The following RGS22 variants were observed in gnomAD, a reference collection of about 807,000 sequenced individuals.
The protein encoded by RGS22 is regulator of G-protein signaling 22.
RGS22 carries 148 observed loss-of-function variants against 172.9 expected under a neutral mutation model. The ratio of observed to expected loss-of-function variants is 0.86; its 90% confidence interval spans 0.75 to 0.98. RGS22 has a LOEUF of 0.98. Ranked by LOEUF, RGS22 falls within the 50% of genes least tolerant of loss-of-function variation. RGS22 has a pLI of 0.00. For synonymous variants in RGS22, 458 were observed against 480.2 expected, an observed-to-expected ratio of 0.95 and a Z score of 0.60; for missense variants, 1,347 against 1,440.8, an observed-to-expected ratio of 0.93 and a Z score of 1.05.
At chr8:100,052,220 C>CATATATAAATATATAA (rs1563673462) in intron 10 of RGS22, among the ~76,000 whole-genome samples, 10 of 83,074 alleles carry the variant, frequency 1.2e-4, no homozygotes, top group African/African-American at 4.7e-4. Context: ...TATAAATATA[C>CATATATAAATATATAA]ACATATATAT....
intron 4 of RGS22, among the ~76,000 whole-genome samples, chr8:100,079,530 A>ATTATTATT (rs1483458294): frequency 5.9e-5 from 9 of 152,214 alleles, no homozygotes; most frequent in Admixed American, 5.9e-4. Flanking sequence ...TTAAACATTC[A>ATTATTATT]TTATTATTTT....
At chr8:100,051,339 AAAG>A (rs1224934876) in intron 10 of RGS22, among the ~76,000 whole-genome samples, 2 of 147,754 alleles carry the variant, frequency 1.4e-5, no homozygotes, top group African/African-American at 2.5e-5. Flanking sequence ...TCTGAGTGAA[AAAG>A]AAGACCACTG....
chr8:100,054,128 TATC>T (rs1347969370), intron 9 of RGS22, among the ~76,000 whole-genome samples: 1 of 152,214 alleles, frequency 6.6e-6, no homozygotes, highest in East Asian at 1.9e-4. Flanking sequence ...ATTGGATAGA[TATC>T]ATGGTATTCA....
chr8:100,016,618 A>T (rs1304624898), intron 14 of RGS22, among the ~76,000 whole-genome samples: 1 of 152,030 alleles, frequency 6.6e-6, no homozygotes, highest in Non-Finnish European at 1.5e-5. Flanking sequence ...TCTACTAAAA[A>T]TACAAAAAAT....
chr8:99,964,664 A>G (rs1428997364), intron 24 of RGS22, among the ~76,000 whole-genome samples: 1 of 152,056 alleles, frequency 6.6e-6, no homozygotes, highest in East Asian at 1.9e-4. Context: ...AGTTCCATAA[A>G]ATTGGATATT....
chr8:100,052,098 T>C (rs1231159688), intron 10 of RGS22, among the ~76,000 whole-genome samples: 4 of 63,378 alleles, frequency 6.3e-5, no homozygotes, highest in Non-Finnish European at 1.2e-4. Context: ...TTTATATATT[T>C]ATATATAAAT....
At chr8:100,015,875 G>A (rs992539198) in intron 14 of RGS22, among the ~76,000 whole-genome samples, 4 of 152,122 alleles carry the variant, frequency 2.6e-5, no homozygotes, top group Admixed American at 2.6e-4. Context: ...TAGCCACGGG[G>A]ATTCATGCAT....
At chr8:100,039,221 G>A (rs1819840506) in intron 13 of RGS22, among the ~76,000 whole-genome samples, 189 bp from the exon 14 acceptor site, 1 of 152,122 alleles carries the variant, frequency 6.6e-6, no homozygotes, top group Non-Finnish European at 1.5e-5. Flanking sequence ...GTTGCTGGAA[G>A]ATTATATTTT....
chr8:100,092,452 A>G (rs896791101), intron 3 of RGS22, among the ~76,000 whole-genome samples: 4 of 152,224 alleles, frequency 2.6e-5, no homozygotes, highest in Non-Finnish European at 5.9e-5. Context: ...AGAAGTGATT[A>G]GGTCATGAGG....
intron 14 of RGS22, among the ~76,000 whole-genome samples, chr8:100,015,541 C>T (rs1816857214): frequency 6.6e-6 from 1 of 152,154 alleles, no homozygotes; most frequent in Non-Finnish European, 1.5e-5. Context: ...AATCTGCCTG[C>T]CTTGGCCTCC....
intron 3 of RGS22, 146 bp from the exon 4 acceptor site, chr8:100,080,501 G>A: frequency 1.5e-6 from 1 of 645,282 alleles, no homozygotes; most frequent in Non-Finnish European, 2.6e-6. Flanking sequence ...TAGGAGCTAG[G>A]AAATCCCTTG....
intron 19 of RGS22, 88 bp from the exon 20 acceptor site, chr8:99,996,618 A>AT (rs1814420610): frequency 9.1e-7 from 1 of 1,098,698 alleles, no homozygotes; most frequent in Non-Finnish European, 1.4e-6. Context: ...AAAATGAGAT[A>AT]AAGGTTAACT....
intron 2 of RGS22, among the ~76,000 whole-genome samples, chr8:100,098,749 C>T (rs539888860): frequency 6.6e-6 from 1 of 152,082 alleles, no homozygotes; most frequent in African/African-American, 2.4e-5. Flanking sequence ...CTTTCCTTCT[C>T]TCTGTCTCTC....
chr8:99,977,230 A>G (rs1311362056), intron 23 of RGS22, among the ~76,000 whole-genome samples: 1 of 151,606 alleles, frequency 6.6e-6, no homozygotes, highest in African/African-American at 2.4e-5. Flanking sequence ...CAGCCTCCCA[A>G]GAAGCTAGGA....
At chr8:100,071,738 T>G (rs930816884) in intron 5 of RGS22, among the ~76,000 whole-genome samples, 4 of 152,220 alleles carry the variant, frequency 2.6e-5, no homozygotes, top group Admixed American at 1.3e-4. Context: ...GATTTTGACT[T>G]AAAAATTGTT....
chr8:99,969,868 T>C (rs1383110019), intron 23 of RGS22, among the ~76,000 whole-genome samples: 1 of 152,226 alleles, frequency 6.6e-6, no homozygotes. Context: ...AACTCTGCTC[T>C]GGACCAAGTG....
At chr8:100,096,307 C>A (rs148206204) in intron 2 of RGS22, among the ~76,000 whole-genome samples, 2 of 152,292 alleles carry the variant, frequency 1.3e-5, no homozygotes, top group East Asian at 3.9e-4. Flanking sequence ...GAGTTACAAT[C>A]ATTTCCTCCA....
chr8:99,980,938 A>G (rs1308216917), intron 22 of RGS22, among the ~76,000 whole-genome samples: 2 of 152,146 alleles, frequency 1.3e-5, no homozygotes, highest in African/African-American at 4.8e-5. Context: ...TCATTCCTCT[A>G]TATTTCTGCC....
chr8:100,041,120 T>G (rs1820055832), intron 12 of RGS22, among the ~76,000 whole-genome samples: 1 of 152,050 alleles, frequency 6.6e-6, no homozygotes, highest in African/African-American at 2.4e-5. Context: ...GAATATGAAG[T>G]TTTCATTTAG....
Sources: gnomAD v4.1 joint callset for allele counts (sites outside exome capture counted in the v4.1 genomes callset) on GRCh38, gnomAD v4.1.1 for gene constraint, MANE v1.5 for transcripts, NCBI Gene and HGNC (gene_info 2026-07-23, HGNC 2026-07-21) for gene names.